Variants in FAM20A observed in about 807,000 individuals in gnomAD.
The protein encoded by FAM20A is pseudokinase FAM20A.
A neutral mutation model predicts 52.0 loss-of-function variants in FAM20A; 42 were observed. That is an observed-to-expected ratio of 0.81 (90% CI 0.63 to 1.04). The LOEUF is 1.04. FAM20A is among the 50% of genes least tolerant of loss of function. FAM20A has a pLI of 0.00. For synonymous variants in FAM20A, 304 were observed against 298.9 expected (o/e 1.02, Z -0.18); for missense variants, 742 against 712.7 (o/e 1.04, Z -0.47).
intron 4 of FAM20A, among the ~76,000 whole-genome samples, chr17:68,546,791 C>T (rs1009101890): frequency 1.4e-5 from 2 of 140,978 alleles, no homozygotes; most frequent in African/African-American, 2.7e-5. Flanking sequence ...GATTGAGCCA[C>T]TGGACTCCAG....
chr17:68,581,330 AG>A (rs754785595), intron 1 of FAM20A, among the ~76,000 whole-genome samples: 16 of 139,704 alleles, frequency 1.1e-4, no homozygotes, highest in Non-Finnish European at 1.9e-4. Flanking sequence ...GGAGTTGAAA[AG>A]GTATCTCCGA....
chr17:68,548,725 A>T (rs72844608), intron 4 of FAM20A, among the ~76,000 whole-genome samples: 12,973 of 80,010 alleles, frequency 0.16, 1,698 homozygotes, highest in African/African-American at 0.23. Context: ...ATGCCTGTAT[A>T]TTTTTTTTTT....
In FAM20A at chr17:68,600,434, G is replaced by T; in HGVS notation, c.233C>A (p.Thr78Asn). The change falls in exon 1 of 11, where the codon ACT becomes AAT. Residue 78 changes from threonine to asparagine, a missense_variant. Transcript: ENST00000592554. This position sits in a 1 kb window ranked among gnomAD's most constrained non-coding sequence, Gnocchi z 6.2. ...VHNFSRTEPR[T>N]EPAGGSHSGS... ...GCTGTGGCTGCCGCCAGCCGGTTCAGTCCGGGGCTCGGTTCGGGAAAAGTT... is the reference window on the plus strand; with the variant it reads ...GCTGTGGCTGCCGCCAGCCGGTTCATTCCGGGGCTCGGTTCGGGAAAAGTT... 1.2e-6 allele frequency: 2 copies of T among 1,611,482 alleles called. No homozygotes were observed. Among genetic ancestry groups the T allele is most frequent in the Admixed American group, 1.7e-5 (1 of 59,876 alleles).
At chr17:68,572,391 C>T (rs868779942) in intron 1 of FAM20A, among the ~76,000 whole-genome samples, 3 of 152,126 alleles carry the variant, frequency 2.0e-5, no homozygotes, top group African/African-American at 7.2e-5. Flanking sequence ...TTGTTGAGCA[C>T]TTTCAGAGAC....
In FAM20A at chr17:68,563,271, A is replaced by G. The variant is rs544751089; in HGVS notation, c.405-7528T>C. Among the ~76,000 whole-genome samples the G allele has an allele frequency of 3.0e-4, 45 of 151,790 alleles. 1 individual carries two copies. The South Asian group carries it at 9.4e-3, about 32-fold the overall frequency. On this transcript the variant is annotated intron_variant, in intron 1 of 10. Coordinates refer to ENST00000592554, the MANE Select transcript of FAM20A (RefSeq NM_017565.4). Reference sequence around the variant, plus strand: ...TGTGGTGGCAGGCGCCTGTAATCCCAGCTACTTGGGAGGCTGAGGCAGGAG... The same window carrying G: ...TGTGGTGGCAGGCGCCTGTAATCCCGGCTACTTGGGAGGCTGAGGCAGGAG...
rs1451800923 is a variant in FAM20A, at chr17:68,541,230, A to G, written c.1110-272T>C. ...GAGGGGAGAGGCCGGGGCAGGCAGG[A>G]AAGGAGGAGGTAGTGACCCTCACCT... On this transcript the variant is annotated intron_variant, in intron 7 of 10. Coordinates refer to ENST00000592554, the MANE Select transcript of FAM20A (RefSeq NM_017565.4). The G allele has an allele frequency of 1.5e-5, 7 of 461,326 alleles. No individual in the cohort carries two copies. In the East Asian group the frequency reaches 3.0e-4, roughly 20 times the overall value. 28.6% of individuals were successfully genotyped at this position (461,326 alleles called of 1,614,324 possible).
chr17:68,565,438 G>A (rs924208444), intron 1 of FAM20A, among the ~76,000 whole-genome samples: 2 of 133,500 alleles, frequency 1.5e-5, no homozygotes, highest in Admixed American at 1.8e-4. Flanking sequence ...CTGTCACCCA[G>A]GCTGGAGTGC....
chr17:68,542,242 A>C, intron 6 of FAM20A, 77 bp from the exon 7 acceptor site: 1 of 1,505,866 alleles, frequency 6.6e-7, no homozygotes, highest in Non-Finnish European at 9.2e-7. Context: ...TAGGAAATCC[A>C]CTGGGAGGGA....
chr17:68,580,303 C>T (rs2087905610), intron 1 of FAM20A, among the ~76,000 whole-genome samples: 1 of 152,200 alleles, frequency 6.6e-6, no homozygotes, highest in African/African-American at 2.4e-5. Context: ...TAACTGTTTG[C>T]TGTTGAGAAA....
intron 7 of FAM20A, chr17:68,541,313 T>A (rs1184946146): frequency 6.1e-6 from 2 of 327,590 alleles, no homozygotes; most frequent in South Asian, 5.8e-5. Context: ...GCGCCACTCA[T>A]AGCACCTCCA....
intron 4 of FAM20A, among the ~76,000 whole-genome samples, chr17:68,547,886 A>G (rs1479663784): frequency 6.6e-6 from 1 of 152,194 alleles, no homozygotes; most frequent in Non-Finnish European, 1.5e-5. Context: ...CTTTTGGCTT[A>G]TTGGCTTTCA....
chr17:68,558,145 A>G (rs2143727143), intron 1 of FAM20A, among the ~76,000 whole-genome samples: 1 of 152,338 alleles, frequency 6.6e-6, no homozygotes, highest in East Asian at 1.9e-4. Flanking sequence ...GAAGGACCAG[A>G]AAGCCACCAT....
chr17:68,539,845 C>G (rs750178888), intron 9 of FAM20A, 40 bp downstream of exon 9: 3 of 1,597,120 alleles, frequency 1.9e-6, no homozygotes, highest in Non-Finnish European at 2.6e-6. Context: ...AGCAGCACAT[C>G]TGGGAGAGGG....
chr17:68,555,905 C>T (rs1600581210), intron 1 of FAM20A, among the ~76,000 whole-genome samples, 162 bp from the exon 2 acceptor site: 1 of 152,128 alleles, frequency 6.6e-6, no homozygotes, highest in East Asian at 1.9e-4. Context: ...TCTTGGGGAG[C>T]AAAACACCTG....
chr17:68,583,293 T>G (rs1017871174), intron 1 of FAM20A, among the ~76,000 whole-genome samples: 2 of 152,152 alleles, frequency 1.3e-5, no homozygotes, highest in Admixed American at 6.5e-5. Flanking sequence ...TAACAAAAAA[T>G]TCCTTCTCTC....
At position 68,600,098 on chromosome 17, in the gene FAM20A, G is replaced by T. The variant is rs2088569794; in HGVS notation, c.404+165C>A. On this transcript the variant is annotated intron_variant, in intron 1 of 10. Coordinates refer to ENST00000592554, the MANE Select transcript of FAM20A (RefSeq NM_017565.4). This position sits in a 1 kb window ranked among gnomAD's most constrained non-coding sequence, Gnocchi z 6.2. ...CTGGACTGTGAGGTCTGCAACAGCT[G>T]GTGGGGTTCGGGTGGGGAACACACT... Among the ~76,000 whole-genome samples, 1 of 152,214 alleles carries T rather than the reference G, an allele frequency of 6.6e-6. No individual in the cohort carries two copies. The highest frequency in any genetic ancestry group is 1.5e-5 in the Non-Finnish European group (1 of 68,036).
Position 68,542,095 on chromosome 17 carries a change from T to C in FAM20A, c.999A>G (p.Pro333=), listed in dbSNP as rs781048825. 1 of 1,613,774 alleles carries C rather than the reference T, an allele frequency of 6.2e-7. No homozygotes were observed. The highest frequency in any genetic ancestry group is 8.5e-7 in the Non-Finnish European group (1 of 1,179,836). The change falls in exon 7 of 11, where the codon CCA becomes CCG. Residue 333 remains proline, a synonymous_variant. Coordinates refer to ENST00000592554, the MANE Select transcript of FAM20A (RefSeq NM_017565.4). ...CKTEYAVCGN[P]HLLEGSLSAF... is the part of the protein sequence containing the mutation. ...CAGAGAGGGAACCCTCCAGCAGGTG[T>C]GGGTTGCCACAGACAGCATACTCCG...
intron 4 of FAM20A, 149 bp downstream of exon 4, chr17:68,551,724 T>C (rs190872111): frequency 0.036 from 10,456 of 293,116 alleles, 671 homozygotes; most frequent in South Asian, 0.084. Context: ...TTATTATTAT[T>C]ATCACCCCAA....
chr17:68,600,661 C>G lies in FAM20A; in HGVS notation c.6G>C (p.Pro2=). ...TCAGTAGGCGGTCCCGGCGCAGCCC[C>G]GGCATGGCGTGCTGGCCAAGGGGGA... is the stretch of plus-strand genomic sequence containing the variant. The part of the protein sequence containing the change: M[P]GLRRDRLLTL... The change falls in exon 1 of 11, where the codon CCG becomes CCC. Residue 2 remains proline, a synonymous_variant. Transcript: ENST00000592554. This position sits in a 1 kb window ranked among gnomAD's most constrained non-coding sequence, Gnocchi z 6.2. 6.5e-7 allele frequency: 1 copy of G among 1,544,396 alleles called. No individual in the cohort carries two copies. The highest frequency in any genetic ancestry group is 8.7e-7 in the Non-Finnish European group (1 of 1,151,730).
Sources: gnomAD v4.1 joint callset for allele counts (sites outside exome capture counted in the v4.1 genomes callset) on GRCh38, gnomAD v4.1.1 for gene constraint, Gnocchi (gnomAD v3.1) non-coding constraint, MANE v1.5 for transcripts, NCBI Gene and HGNC (gene_info 2026-07-23, HGNC 2026-07-21) for gene names.